TENM2: variants seen among roughly 807,000 people sequenced by gnomAD.
The protein encoded by TENM2 is teneurin transmembrane protein 2.
TENM2 carries 52 observed loss-of-function variants against 245.2 expected under a neutral mutation model. The observed-to-expected ratio is 0.21, with a 90% CI of 0.17 to 0.27. The LOEUF (loss-of-function observed/expected upper bound fraction) is 0.27, where lower values mean the gene tolerates loss of function less well. Ranked by LOEUF, TENM2 falls within the 10% of genes least tolerant of loss-of-function variation. The probability of loss-of-function intolerance (pLI) is 1.00; values close to 1 mark genes in which losing one functional copy is unlikely to be tolerated. For synonymous variants in TENM2, 1,363 were observed against 1,438.9 expected, an observed-to-expected ratio of 0.95 and a Z score of 1.19; for missense variants, 3,046 against 3,666.8, an observed-to-expected ratio of 0.83 and a Z score of 4.37.
At chr5:167,420,754 A>G (rs540507224) in intron 2 of TENM2, among the ~76,000 whole-genome samples, 27 of 152,122 alleles carry the variant, frequency 1.8e-4, no homozygotes, top group Non-Finnish European at 3.8e-4. Flanking sequence ...TCTCTACTAT[A>G]GAATTTACTC....
the TENM2 span, among the ~76,000 whole-genome samples, chr5:167,096,872 G>T: frequency 6.6e-6 from 1 of 152,136 alleles, no homozygotes; most frequent in Admixed American, 6.5e-5. Context: ...CATGCAACAT[G>T]TGTAGACCTG....
At chr5:167,494,379 C>A (rs1361427756) in intron 2 of TENM2, among the ~76,000 whole-genome samples, 1 of 152,044 alleles carries the variant, frequency 6.6e-6, no homozygotes, top group Non-Finnish European at 1.5e-5. Flanking sequence ...TGTCAGTAGA[C>A]AATAGGGAGT....
At chr5:167,204,089 GT>G in the TENM2 span, among the ~76,000 whole-genome samples, 3 of 151,660 alleles carry the variant, frequency 2.0e-5, no homozygotes, top group Non-Finnish European at 4.4e-5. Flanking sequence ...GCATCCCAGT[GT>G]CTTTGTTGTG....
At chr5:167,972,607 G>A (rs1285223461) in intron 4 of TENM2, among the ~76,000 whole-genome samples, 1 of 151,990 alleles carries the variant, frequency 6.6e-6, no homozygotes, top group Admixed American at 6.6e-5. Flanking sequence ...AGATCAAAGG[G>A]TATGTATAAT....
At chr5:168,024,660 A>G (rs1260987253) in intron 5 of TENM2, among the ~76,000 whole-genome samples, 2 of 152,164 alleles carry the variant, frequency 1.3e-5, no homozygotes, top group Non-Finnish European at 1.5e-5. Context: ...GGATCTCAGG[A>G]CAATTAAGAA....
At chr5:167,624,386 A>T (rs1331091207) in intron 2 of TENM2, among the ~76,000 whole-genome samples, 1 of 152,198 alleles carries the variant, frequency 6.6e-6, no homozygotes, top group Non-Finnish European at 1.5e-5. Context: ...CATGGACATA[A>T]AGATGAGAAC....
the TENM2 span, among the ~76,000 whole-genome samples, chr5:167,266,576 C>A: frequency 1.3e-5 from 2 of 152,172 alleles, no homozygotes; most frequent in East Asian, 1.9e-4. Flanking sequence ...ATATTTTGAT[C>A]CAAATCTAGG....
At chr5:167,433,655 G>C (rs142511423) in intron 2 of TENM2, among the ~76,000 whole-genome samples, 111 of 151,944 alleles carry the variant, frequency 7.3e-4, no homozygotes, top group African/African-American at 2.6e-3. Flanking sequence ...TGTACTATTG[G>C]TATCGTCCTA....
At chr5:167,124,976 C>T in the TENM2 span, among the ~76,000 whole-genome samples, 3 of 152,132 alleles carry the variant, frequency 2.0e-5, no homozygotes, top group East Asian at 1.9e-4. Flanking sequence ...ATTTCCCCAC[C>T]GTGGAACTAG....
the TENM2 span, among the ~76,000 whole-genome samples, chr5:167,139,708 TTATC>T: frequency 3.3e-5 from 5 of 152,208 alleles, no homozygotes; most frequent in East Asian, 3.9e-4. Flanking sequence ...TATGTATAAT[TTATC>T]TGTCACTTCC....
intron 1 of TENM2, among the ~76,000 whole-genome samples, chr5:167,327,267 C>CA (rs1236634428): frequency 6.6e-6 from 1 of 152,148 alleles, no homozygotes; most frequent in Non-Finnish European, 1.5e-5. Context: ...TGAGTGAGAA[C>CA]ATGCGGTGTT....
chr5:167,599,109 A>G (rs1361933395), intron 2 of TENM2, among the ~76,000 whole-genome samples: 2 of 152,238 alleles, frequency 1.3e-5, no homozygotes, highest in African/African-American at 4.8e-5. Flanking sequence ...AACCCAGGCT[A>G]GTGGAAAGAG....
intron 2 of TENM2, among the ~76,000 whole-genome samples, chr5:167,695,973 G>A (rs1198198606): frequency 6.6e-6 from 1 of 151,666 alleles, no homozygotes; most frequent in Non-Finnish European, 1.5e-5. Context: ...GGTGGAGCTT[G>A]CAGTGAGCCG....
chr5:167,749,870 A>T (rs1761843545), intron 2 of TENM2, among the ~76,000 whole-genome samples: 1 of 152,228 alleles, frequency 6.6e-6, no homozygotes, highest in South Asian at 2.1e-4. Context: ...ATCAATAAAG[A>T]GATCTGCCTT....
chr5:167,906,114 G>T (rs1055974887), intron 3 of TENM2, among the ~76,000 whole-genome samples: 1 of 151,982 alleles, frequency 6.6e-6, no homozygotes, highest in Admixed American at 6.6e-5. Context: ...TATAATGTGC[G>T]CCAGCCCCAA....
At chr5:167,692,281 G>A (rs183020226) in intron 2 of TENM2, among the ~76,000 whole-genome samples, 7 of 152,162 alleles carry the variant, frequency 4.6e-5, no homozygotes, top group Non-Finnish European at 1.0e-4. Flanking sequence ...TGAATTGGCC[G>A]AAGGCAATTG....
chr5:167,661,114 A>G (rs1156476222), intron 2 of TENM2, among the ~76,000 whole-genome samples: 1 of 152,150 alleles, frequency 6.6e-6, no homozygotes, highest in East Asian at 1.9e-4. Flanking sequence ...CATGTACCTT[A>G]TTTACTGTTG....
At chr5:167,659,294 A>G (rs1172555885) in intron 2 of TENM2, among the ~76,000 whole-genome samples, 2 of 152,236 alleles carry the variant, frequency 1.3e-5, no homozygotes, top group Non-Finnish European at 2.9e-5. Context: ...TTGAACTCCT[A>G]TTATAAGTAT....
the TENM2 span, among the ~76,000 whole-genome samples, chr5:167,201,657 T>A: frequency 6.6e-6 from 1 of 152,216 alleles, no homozygotes; most frequent in Admixed American, 6.5e-5. Context: ...CTGTACTGTA[T>A]CTCTCTTCAT....
Sources: allele counts gnomAD v4.1 joint callset (sites outside exome capture counted in the v4.1 genomes callset), GRCh38; gene constraint gnomAD v4.1.1; transcripts MANE v1.5; gene names NCBI Gene and HGNC (gene_info 2026-07-23, HGNC 2026-07-21).